Variants in NAALADL2 observed in about 807,000 individuals in gnomAD.
The protein encoded by NAALADL2 is inactive N-acetylated-alpha-linked acidic dipeptidase-like protein 2.
NAALADL2 carries 76 observed loss-of-function variants against 87.2 expected under a neutral mutation model. The ratio of observed to expected loss-of-function variants is 0.87; its 90% CI spans 0.72 to 1.05. The LOEUF (loss-of-function observed/expected upper bound fraction) is 1.05. Among genes scored for constraint, NAALADL2 ranks in the 50% least tolerant of loss-of-function variants. The probability of loss-of-function intolerance (pLI) is 0.00; values close to 1 mark genes in which losing one functional copy is unlikely to be tolerated. For synonymous variants in NAALADL2, 354 were observed against 331.0 expected (o/e 1.07, Z -0.75); for missense variants, 1,089 against 945.8 (o/e 1.15, Z -1.99).
chr3:175,365,043 C>T (rs1765409390), intron 5 of NAALADL2, among the ~76,000 whole-genome samples: 1 of 147,488 alleles, frequency 6.8e-6, no homozygotes, highest in South Asian at 2.2e-4. Flanking sequence ...CATCATATAG[C>T]ACAGCTTTCC....
chr3:175,090,700 T>G (rs980259290), intron 1 of NAALADL2, among the ~76,000 whole-genome samples: 1 of 152,174 alleles, frequency 6.6e-6, no homozygotes, highest in Non-Finnish European at 1.5e-5. Flanking sequence ...AGTTTTAGTT[T>G]ATGCTATCCA....
At chr3:174,997,227 A>T (rs1747622772) in intron 1 of NAALADL2, among the ~76,000 whole-genome samples, 2 of 151,744 alleles carry the variant, frequency 1.3e-5, no homozygotes, top group Admixed American at 1.3e-4. Flanking sequence ...TGGTAGTTCT[A>T]CTTTTAGTTC....
intron 4 of NAALADL2, among the ~76,000 whole-genome samples, chr3:175,281,523 T>C (rs1367001917): frequency 1.3e-5 from 2 of 151,990 alleles, no homozygotes; most frequent in African/African-American, 4.8e-5. Flanking sequence ...TTAAAACCGA[T>C]TTTCAGTAAG....
At chr3:175,022,069 G>A (rs1751633108) in intron 1 of NAALADL2, among the ~76,000 whole-genome samples, 1 of 151,906 alleles carries the variant, frequency 6.6e-6, no homozygotes, top group Non-Finnish European at 1.5e-5. Context: ...CTTCTCTCTT[G>A]CTGCCTCTCC....
intron 3 of NAALADL2, among the ~76,000 whole-genome samples, chr3:174,791,100 A>G (rs909865082): frequency 6.6e-6 from 1 of 152,208 alleles, no homozygotes; most frequent in Non-Finnish European, 1.5e-5. Context: ...TAAAATACTT[A>G]ACAAGTTTCT....
intron 1 of NAALADL2, among the ~76,000 whole-genome samples, chr3:175,041,900 A>G (rs545386860): frequency 6.6e-6 from 1 of 152,300 alleles, no homozygotes; most frequent in East Asian, 1.9e-4. Context: ...TAATACATCT[A>G]TCACCTTACA....
chr3:175,325,345 A>G (rs1760575475), intron 5 of NAALADL2, among the ~76,000 whole-genome samples: 1 of 152,210 alleles, frequency 6.6e-6, no homozygotes, highest in African/African-American at 2.4e-5. Context: ...ATATGCTACA[A>G]AAGTATTCCT....
chr3:175,410,817 G>T (rs1249727708), intron 5 of NAALADL2, among the ~76,000 whole-genome samples: 1 of 152,126 alleles, frequency 6.6e-6, no homozygotes, highest in East Asian at 1.9e-4. Context: ...ACAGTGAGCG[G>T]CATAGGTTAC....
At chr3:175,069,903 A>G (rs1330462156) in intron 1 of NAALADL2, among the ~76,000 whole-genome samples, 3 of 149,040 alleles carry the variant, frequency 2.0e-5, no homozygotes, top group African/African-American at 7.4e-5. Flanking sequence ...TCAGTAAACT[A>G]TCGCAAGAAC....
intron 9 of NAALADL2, among the ~76,000 whole-genome samples, chr3:175,558,465 G>A (rs975590848): frequency 6.6e-6 from 1 of 152,148 alleles, no homozygotes; most frequent in African/African-American, 2.4e-5. Context: ...CTTTGTCTGT[G>A]CTTGTGGTGT....
At chr3:175,779,448 CA>C (rs944398229) in intron 13 of NAALADL2, among the ~76,000 whole-genome samples, 1 of 151,872 alleles carries the variant, frequency 6.6e-6, no homozygotes, top group Non-Finnish European at 1.5e-5. Context: ...AGATGTAATT[CA>C]TTTTTTTTTC....
At chr3:174,696,796 G>A (rs1288526573) in intron 2 of NAALADL2, among the ~76,000 whole-genome samples, 1 of 151,886 alleles carries the variant, frequency 6.6e-6, no homozygotes, top group East Asian at 1.9e-4. Flanking sequence ...AAACATGCCA[G>A]TTCATTAAAA....
At chr3:174,856,754 T>C (rs1725900294), upstream of NAALADL2, among the ~76,000 whole-genome samples, 1 of 152,180 alleles carries the variant, frequency 6.6e-6, no homozygotes. Flanking sequence ...TTCCAAGATC[T>C]ACTGTAAGAA....
intron 2 of NAALADL2, among the ~76,000 whole-genome samples, chr3:174,584,708 C>T (rs1016876019): frequency 1.3e-5 from 2 of 152,032 alleles, no homozygotes; most frequent in Non-Finnish European, 2.9e-5. Context: ...AGTATTTAAT[C>T]CGGTTTGCTA....
At chr3:175,585,399 C>T (rs1474781704) in intron 10 of NAALADL2, among the ~76,000 whole-genome samples, 1 of 152,112 alleles carries the variant, frequency 6.6e-6, no homozygotes, top group African/African-American at 2.4e-5. Flanking sequence ...TATAATGCAA[C>T]AGTGCTTAAT....
intron 11 of NAALADL2, among the ~76,000 whole-genome samples, chr3:175,703,835 C>G (rs2149976789): frequency 6.6e-6 from 1 of 152,126 alleles, no homozygotes; most frequent in East Asian, 1.9e-4. Flanking sequence ...TTTTTCATCT[C>G]TTTGACATGA....
At chr3:174,895,406 C>A (rs529940211) in intron 1 of NAALADL2, among the ~76,000 whole-genome samples, 1 of 151,956 alleles carries the variant, frequency 6.6e-6, no homozygotes. Context: ...AGCAGCTGTA[C>A]GCCAATAAAT....
At chr3:175,770,619 T>C (rs1749365469) in intron 13 of NAALADL2, among the ~76,000 whole-genome samples, 1 of 152,198 alleles carries the variant, frequency 6.6e-6, no homozygotes, top group South Asian at 2.1e-4. Flanking sequence ...CAAATATTTC[T>C]GGAAGGGATA....
At chr3:175,366,095 G>A (rs1474930154) in intron 5 of NAALADL2, among the ~76,000 whole-genome samples, 2 of 126,800 alleles carry the variant, frequency 1.6e-5, no homozygotes, top group African/African-American at 2.9e-5. Flanking sequence ...ATCTGTGAGT[G>A]AGAACATGCA....
Sources: gnomAD v4.1 joint callset for allele counts (sites outside exome capture counted in the v4.1 genomes callset) on GRCh38, gnomAD v4.1.1 for gene constraint, MANE v1.5 for transcripts, NCBI Gene and HGNC (gene_info 2026-07-23, HGNC 2026-07-21) for gene names.